IRF4: variants seen among roughly 807,000 people sequenced by gnomAD.
IRF4 encodes the protein lymphocyte-specific interferon regulatory factor.
IRF4 carries 13 observed loss-of-function variants against 55.5 expected under a neutral mutation model. The observed-to-expected ratio is 0.23, with a 90% CI of 0.15 to 0.37. The LOEUF (loss-of-function observed/expected upper bound fraction) is 0.37. Among genes scored for constraint, IRF4 ranks in the 10% least tolerant of loss-of-function variants. The pLI is 1.00. For synonymous variants in IRF4, 249 were observed against 240.7 expected (o/e 1.03, Z -0.32); for missense variants, 397 against 593.8 (o/e 0.67, Z 3.44).
At chr6:405,962 C>T (rs1218950057) in intron 8 of IRF4, among the ~76,000 whole-genome samples, 1 of 152,192 alleles carries the variant, frequency 6.6e-6, no homozygotes, top group Non-Finnish European at 1.5e-5. Flanking sequence ...GTTACACCCC[C>T]TAACATCAAA....
intron 7 of IRF4, 53 bp downstream of exon 7, chr6:401,830 C>T: frequency 6.5e-7 from 1 of 1,540,520 alleles, no homozygotes; most frequent in Non-Finnish European, 8.9e-7. Flanking sequence ...CTGCCTGCCA[C>T]AGGGGTCAGA....
rs1229114103 is a variant in IRF4, at chr6:407,642, T to A, written c.*44T>A. ...GTTTTCTTTTTCCTTTTTTTTTTTTTTTTTTTGATACGGGGATACGGGGTC... is the reference window on the plus strand; with the variant it reads ...GTTTTCTTTTTCCTTTTTTTTTTTTATTTTTTGATACGGGGATACGGGGTC... On this transcript the variant is annotated 3_prime_UTR_variant, in exon 9 of 9. Coordinates refer to ENST00000380956, the MANE Select transcript of IRF4 (RefSeq NM_002460.4). 6.5e-7 allele frequency: 1 copy of A among 1,530,832 alleles called. No individual in the cohort carries two copies. Among genetic ancestry groups the A allele is most frequent in the Admixed American group, 2.0e-5 (1 of 48,974 alleles). 94.8% of individuals were successfully genotyped at this position (1,530,832 alleles called of 1,614,324 possible).
In IRF4 at chr6:410,657, G is replaced by A. The variant is rs899071655; in HGVS notation, c.*3059G>A. On this transcript the variant is annotated 3_prime_UTR_variant, in exon 9 of 9. Transcript: ENST00000380956. ...TCTTGGCTTTGTTGATGCTCCGCCA[G>A]GAAGGCCACTTGTGTGTGCGTGTCA... 1 of 231,580 alleles carries A rather than the reference G, an allele frequency of 4.3e-6. No individual in the cohort carries two copies. Among genetic ancestry groups the A allele is most frequent in the Non-Finnish European group, 8.5e-6 (1 of 117,022 alleles). 14.3% of individuals were successfully genotyped at this position (231,580 alleles called of 1,614,324 possible). A position where few individuals can be genotyped will look rare whatever the true frequency, so the allele number is the denominator to read the frequency against.
rs934099606 is a variant in IRF4, at chr6:393,285, G to C, written c.133G>C (p.Glu45Gln). 1.9e-6 allele frequency: 3 copies of C among 1,606,298 alleles called. No homozygotes were observed. Among genetic ancestry groups the C allele is most frequent in the Non-Finnish European group, 2.5e-6 (3 of 1,176,724 alleles). Residue 45 changes from glutamate (E) to glutamine (Q), a missense_variant, in exon 2 of 9, where the codon GAG becomes CAG. Coordinates refer to ENST00000380956, the MANE Select transcript of IRF4 (RefSeq NM_002460.4). The surrounding 1 kb of genome is among the most constrained non-coding windows in gnomAD (Gnocchi z 5.4). ...GKYPGLVWEN[E>Q]EKSIFRIPWK... ...GTACCCCGGGCTGGTGTGGGAGAAC[G>C]AGGAGAAGAGCATCTTCCGCATCCC...
intron 2 of IRF4, among the ~76,000 whole-genome samples, chr6:394,219 T>C (rs61666186): frequency 0.026 from 3,967 of 152,296 alleles, 65 homozygotes; most frequent in Middle Eastern, 0.054. Context: ...ACAGCTGTCC[T>C]TAGTCCTAGG....
intron 6 of IRF4, among the ~76,000 whole-genome samples, chr6:399,210 T>C (rs1761340655): frequency 6.6e-6 from 1 of 152,192 alleles, no homozygotes; most frequent in African/African-American, 2.4e-5. Flanking sequence ...TCTCTGAATT[T>C]CTAGGAATGT....
chr6:397,195 T>C lies in IRF4; in HGVS notation c.580T>C (p.Cys194Arg), dbSNP rs1393717852. The C allele has an allele frequency of 1.9e-6, 3 of 1,614,268 alleles. No individual in the cohort carries two copies. The highest frequency in any genetic ancestry group is 2.5e-6 in the Non-Finnish European group (3 of 1,180,044). ...GCCACACCCGGAAATCCCGTACCAATGTCCCATGACGTTTGGACCCCGCGG... is the reference window on the plus strand; with the variant it reads ...GCCACACCCGGAAATCCCGTACCAACGTCCCATGACGTTTGGACCCCGCGG... ...DQPHPEIPYQ[C>R]PMTFGPRGHH... Residue 194 changes from cysteine to arginine, a missense_variant, in exon 5 of 9, where the codon TGT becomes CGT. Transcript: ENST00000380956.
rs201428294 is a variant in IRF4, at chr6:405,098, C to G, written c.1180C>G (p.Pro394Ala). Residue 394 changes from proline (P) to alanine (A), a missense_variant, in exon 8 of 9, where the codon CCT becomes GCT. Physicochemically the swap from Pro to Ala is conservative, Grantham distance 27. This residue lies in a region of IRF4 where 341 missense variants were observed against 548.1 expected (regional missense o/e 0.62). Coordinates refer to ENST00000380956, the MANE Select transcript of IRF4 (RefSeq NM_002460.4). ...TLCFGEEFPD[P>A]QRQRKLITAH... The stretch of plus-strand genomic sequence containing the variant: ...ATGCTTTGGAGAGGAGTTTCCAGAC[C>G]CTCAGAGGCAAAGAAAGCTCATCAC... The G allele has an allele frequency of 9.5e-5, 153 of 1,612,934 alleles. No individual in the cohort carries two copies. Among genetic ancestry groups the G allele is most frequent in the Non-Finnish European group, 1.3e-4 (148 of 1,178,924 alleles).
chr6:393,746 CTCGCCCTCTCCGT>C lies in IRF4; in HGVS notation c.216+379_216+391del, dbSNP rs1443088408. On this transcript the variant is annotated intron_variant, in intron 2 of 8. Coordinates refer to ENST00000380956, the MANE Select transcript of IRF4 (RefSeq NM_002460.4). This position sits in a 1 kb window ranked among gnomAD's most constrained non-coding sequence, Gnocchi z 5.4. ...CTGCCGCCTCCGTCCGTGGGTCCCC[CTCGCCCTCTCCGT>C]GCGTCCGCGCCTGTGCCGGCGGCTG... 6.6e-6 allele frequency among the ~76,000 whole-genome samples: 1 copy of C among 152,216 alleles called. No individual in the cohort carries two copies.
chr6:393,487 G>A lies in IRF4; in HGVS notation c.216+119G>A. The stretch of plus-strand genomic sequence containing the variant: ...GACCGCGCGGGGCGGACGGGCGGGC[G>A]GCGGAGGCATCAGGTGGCGTCGCCG... On this transcript the variant is annotated intron_variant, in intron 2 of 8. Coordinates refer to ENST00000380956, the MANE Select transcript of IRF4 (RefSeq NM_002460.4). The surrounding 1 kb of genome is among the most constrained non-coding windows in gnomAD (Gnocchi z 5.4). 2.9e-6 allele frequency: 2 copies of A among 693,252 alleles called. No homozygotes were observed. Among genetic ancestry groups the A allele is most frequent in the Non-Finnish European group, 4.1e-6 (2 of 489,156 alleles). The allele number at this position is 693,252 out of a possible 1,614,324, so 42.9% of individuals were successfully genotyped here. A position where few individuals can be genotyped will look rare whatever the true frequency, so the allele number is the denominator to read the frequency against.
At position 409,707 on chromosome 6, in the gene IRF4, T is replaced by G; in HGVS notation, c.*2109T>G. ...ATATTATCCTAAGGGAAGATAAAGA[T>G]GATATTAAGAACTGCTGTTTCACGG... is the stretch of plus-strand genomic sequence containing the variant. On this transcript the variant is annotated 3_prime_UTR_variant, in exon 9 of 9. Transcript: ENST00000380956. 4.4e-6 allele frequency: 1 copy of G among 226,104 alleles called. No homozygotes were observed. The highest frequency in any genetic ancestry group is 8.8e-6 in the Non-Finnish European group (1 of 113,454). The allele number at this position is 226,104 out of a possible 1,614,324, so 14.0% of individuals were successfully genotyped here. A position where few individuals can be genotyped will look rare whatever the true frequency, so the allele number is the denominator to read the frequency against.
chr6:404,970 G>T (rs754633446), intron 7 of IRF4, 48 bp from the exon 8 acceptor site: 1 of 1,170,214 alleles, frequency 8.5e-7, no homozygotes, highest in Non-Finnish European at 1.3e-6. Context: ...TGGTGTGTTC[G>T]GTGATGAGGG....
chr6:405,900 A>G (rs3800262), intron 8 of IRF4, among the ~76,000 whole-genome samples: 118,474 of 152,148 alleles, frequency 0.78, 46,275 homozygotes, highest in Non-Finnish European at 0.82. Context: ...ACATTGCTAC[A>G]TACTTGCAAG....
Position 407,576 on chromosome 6 carries a change from G to A in IRF4, c.1334G>A (p.Arg445His), listed in dbSNP as rs756602021. The A allele has an allele frequency of 1.8e-5, 29 of 1,605,776 alleles. No homozygotes were observed. Among genetic ancestry groups the A allele is most frequent in the Admixed American group, 1.5e-4 (9 of 58,088 alleles). The stretch of plus-strand genomic sequence containing the variant: ...CCAGAAGATTACCACAGATCTATCC[G>A]CCATTCCTCTATTCAAGAATGAAAA... ...SNPEDYHRSIRHSSIQE is the reference protein window; with the variant it reads ...SNPEDYHRSIHHSSIQE The change falls in exon 9 of 9, where the codon CGC (arginine) becomes CAC (histidine). Residue 445 changes from arginine (R) to histidine (H), a missense_variant. Physicochemically the swap from Arg to His is conservative, Grantham distance 29. Coordinates refer to ENST00000380956, the MANE Select transcript of IRF4 (RefSeq NM_002460.4).
intron 5 of IRF4, 88 bp from the exon 6 acceptor site, chr6:398,740 C>T (rs908907328): frequency 7.8e-6 from 7 of 893,874 alleles, no homozygotes; most frequent in Non-Finnish European, 8.5e-6. Flanking sequence ...CCCCTTCCTT[C>T]CCAGGCTTCA....
At position 391,784 on chromosome 6, in the gene IRF4, G is replaced by C. The variant is rs192541567; in HGVS notation, c.-81G>C. On this transcript the variant is annotated 5_prime_UTR_variant, in exon 1 of 9. Transcript: ENST00000380956. Reference sequence around the variant, plus strand: ...CCGCTCGATCTTGGGACCCACCGCTGCCCTCAGCTCCGAGTCCAGGGCGAG... The same window carrying C: ...CCGCTCGATCTTGGGACCCACCGCTCCCCTCAGCTCCGAGTCCAGGGCGAG... 3.4e-4 allele frequency: 154 copies of C among 455,774 alleles called. No homozygotes were observed. The highest frequency in any genetic ancestry group is 6.1e-4 in the Non-Finnish European group (138 of 226,906). 28.2% of individuals were successfully genotyped at this position (455,774 alleles called of 1,614,324 possible).
rs554949295 is a variant in IRF4, at chr6:410,250, C to A, written c.*2652C>A. The A allele has an allele frequency of 8.7e-6, 2 of 228,616 alleles. No individual in the cohort carries two copies. Among genetic ancestry groups the A allele is most frequent in the Admixed American group, 5.7e-5 (1 of 17,636 alleles). The allele number at this position is 228,616 out of a possible 1,614,324, so 14.2% of individuals were successfully genotyped here. ...ATGTATGTGTCTCCCAGGTGCATTTCTTGGTTTATGTCTTGTTCTTGAGAT... is the reference window on the plus strand; with the variant it reads ...ATGTATGTGTCTCCCAGGTGCATTTATTGGTTTATGTCTTGTTCTTGAGAT... On this transcript the variant is annotated 3_prime_UTR_variant, in exon 9 of 9. Transcript: ENST00000380956.
chr6:409,121 T>C lies in IRF4; in HGVS notation c.*1523T>C, dbSNP rs1761626799. 1 of 213,296 alleles carries C rather than the reference T, an allele frequency of 4.7e-6. No homozygotes were observed. The highest frequency in any genetic ancestry group is 9.5e-6 in the Non-Finnish European group (1 of 105,248). 13.2% of individuals were successfully genotyped at this position (213,296 alleles called of 1,614,324 possible). ...CAAATGTGTGTTCCTGCTTTTCTAATGGATATTTTAAATTCATTCAACAAG... is the reference window on the plus strand; with the variant it reads ...CAAATGTGTGTTCCTGCTTTTCTAACGGATATTTTAAATTCATTCAACAAG... On this transcript the variant is annotated 3_prime_UTR_variant, in exon 9 of 9. Coordinates refer to ENST00000380956, the MANE Select transcript of IRF4 (RefSeq NM_002460.4).
chr6:397,864 A>G lies in IRF4; in HGVS notation c.637+612A>G, dbSNP rs984477148. 3.9e-5 allele frequency among the ~76,000 whole-genome samples: 6 copies of G among 152,232 alleles called. No homozygotes were observed. The East Asian group carries it at 1.2e-3, about 29-fold the overall frequency. ...GGAGAATCTAGCAATGCGGTAACTC[A>G]GGCCTTCAGGACTTTTGAGTTAGTT... On this transcript the variant is annotated intron_variant, in intron 5 of 8. Transcript: ENST00000380956.
Sources: allele counts gnomAD v4.1 joint callset (sites outside exome capture counted in the v4.1 genomes callset), GRCh38; gene constraint gnomAD v4.1.1; regional missense constraint gnomAD v4.1.1; non-coding constraint Gnocchi (gnomAD v3.1); transcripts MANE v1.5; gene names NCBI Gene and HGNC (gene_info 2026-07-23, HGNC 2026-07-21).